Variants in NEBL observed in about 807,000 individuals in gnomAD.
NEBL encodes the protein LIM and SH3 protein 2.
Under a neutral mutation model 140.2 loss-of-function variants are expected in NEBL, and 122 were observed. The observed-to-expected ratio is 0.87, with a 90% CI of 0.75 to 1.01. The LOEUF is 1.01. NEBL is among the 50% of genes least tolerant of loss of function. The pLI, the probability that NEBL is intolerant of heterozygous loss-of-function variation, is 0.00. For synonymous variants in NEBL, 436 were observed against 398.9 expected, an observed-to-expected ratio of 1.09 and a Z score of -1.11; for missense variants, 1,365 against 1,231.3, an observed-to-expected ratio of 1.11 and a Z score of -1.62.
At chr10:21,013,640 G>A (rs1487922498) in intron 3 of NEBL, among the ~76,000 whole-genome samples, 1 of 152,208 alleles carries the variant, frequency 6.6e-6, no homozygotes, top group African/African-American at 2.4e-5. Context: ...CACTTTGGGA[G>A]GCCAAGGTGG....
intron 2 of NEBL, among the ~76,000 whole-genome samples, chr10:21,057,625 C>T (rs1480601489): frequency 6.9e-6 from 1 of 145,708 alleles, no homozygotes; most frequent in Non-Finnish European, 1.5e-5. Context: ...ACTTGGCTCA[C>T]GGCAACCTCT....
At chr10:21,052,377 A>G (rs1834815607) in intron 2 of NEBL, among the ~76,000 whole-genome samples, 1 of 152,176 alleles carries the variant, frequency 6.6e-6, no homozygotes, top group African/African-American at 2.4e-5. Context: ...CAATTCTCCA[A>G]CCACTTCCCA....
intron 3 of NEBL, among the ~76,000 whole-genome samples, chr10:21,180,992 T>C (rs184758820): frequency 3.6e-4 from 55 of 152,218 alleles, no homozygotes; most frequent in African/African-American, 1.3e-3. Flanking sequence ...CCAGGCACAG[T>C]GGCTCATATC....
chr10:21,033,132 C>T (rs143874524), intron 2 of NEBL, among the ~76,000 whole-genome samples: 6 of 152,280 alleles, frequency 3.9e-5, no homozygotes, highest in South Asian at 2.1e-4. Context: ...TGTGTGACAT[C>T]GAGCAGCCCT....
At chr10:21,284,743 T>C (rs909271112) in intron 1 of NEBL, among the ~76,000 whole-genome samples, 1 of 152,148 alleles carries the variant, frequency 6.6e-6, no homozygotes, top group Non-Finnish European at 1.5e-5. Flanking sequence ...TTCCTCACTC[T>C]CCCTTGCACA....
chr10:20,830,887 G>C (rs1452612924), intron 16 of NEBL, among the ~76,000 whole-genome samples: 1 of 125,890 alleles, frequency 7.9e-6, no homozygotes, highest in Admixed American at 9.1e-5. Flanking sequence ...CTGGGTGAAA[G>C]AGTGAGACCT....
At position 21,235,373 on chromosome 10, in the gene NEBL, C is replaced by G. The variant is rs531103518; in HGVS notation, n.348+12548G>C. Reference sequence around the variant, plus strand: ...ATTTATTTAAAGACAGAATCTTGCTCTGTCACCCAGGCTGGACTGCAGTGG... The same window carrying G: ...ATTTATTTAAAGACAGAATCTTGCTGTGTCACCCAGGCTGGACTGCAGTGG... On this transcript the variant is annotated intron_variant and non_coding_transcript_variant, in intron 3 of 8. Transcript: ENST00000675702. 2.6e-5 allele frequency among the ~76,000 whole-genome samples: 4 copies of G among 152,220 alleles called. No individual in the cohort carries two copies. The East Asian group carries it at 7.7e-4, about 29-fold the overall frequency.
intron 2 of NEBL, among the ~76,000 whole-genome samples, chr10:21,109,943 T>C (rs147228225): frequency 6.6e-6 from 1 of 152,164 alleles, no homozygotes; most frequent in Non-Finnish European, 1.5e-5. Flanking sequence ...GTTAGTCTTT[T>C]CAAAAAACCA....
rs528247270 is a variant in NEBL, at chr10:20,892,094, C to A, written c.154-2145G>T. 3.3e-5 allele frequency among the ~76,000 whole-genome samples: 5 copies of A among 152,272 alleles called. No individual in the cohort carries two copies. The East Asian group carries it at 9.7e-4, about 29-fold the overall frequency. ...GACACCATCTATTGGATAGACTGGC[C>A]ACTCCCATTATCTCCTATTAAAAGA... On this transcript the variant is annotated intron_variant, in intron 2 of 27. Transcript: ENST00000377122.
At chr10:21,134,798 A>C (rs1451768043) in intron 2 of NEBL, among the ~76,000 whole-genome samples, 3 of 152,220 alleles carry the variant, frequency 2.0e-5, no homozygotes, top group Admixed American at 2.0e-4. Flanking sequence ...TCTGACAAAC[A>C]TCAGTATTCA....
intron 2 of NEBL, among the ~76,000 whole-genome samples, chr10:20,894,387 C>G (rs1402864085): frequency 1.3e-5 from 2 of 151,896 alleles, no homozygotes; most frequent in African/African-American, 4.8e-5. Flanking sequence ...GCTGGAGAAT[C>G]ACTTGAGCCC....
chr10:21,013,672 G>A (rs1838440182), intron 3 of NEBL, among the ~76,000 whole-genome samples: 2 of 152,176 alleles, frequency 1.3e-5, no homozygotes, highest in Admixed American at 6.5e-5. Context: ...GAGGTCAGGA[G>A]TTCGAGACCA....
chr10:21,090,908 T>C (rs1337613355), intron 2 of NEBL, among the ~76,000 whole-genome samples: 1 of 152,170 alleles, frequency 6.6e-6, no homozygotes, highest in African/African-American at 2.4e-5. Context: ...CTGCAGACAC[T>C]TCCGGCTCAA....
At chr10:21,162,360 C>T (rs778405692) in intron 2 of NEBL, among the ~76,000 whole-genome samples, 13 of 150,364 alleles carry the variant, frequency 8.6e-5, no homozygotes, top group Non-Finnish European at 1.3e-4. Flanking sequence ...CTGAGGGGGT[C>T]GTGGGAACTC....
intron 1 of NEBL, among the ~76,000 whole-genome samples, chr10:21,271,526 C>CTTT (rs541717448): frequency 1.4e-5 from 2 of 141,044 alleles, no homozygotes; most frequent in Non-Finnish European, 1.6e-5. Context: ...GTAAACAGAT[C>CTTT]TTTTTTTTTT....
chr10:21,103,020 C>T (rs534102665), intron 2 of NEBL, among the ~76,000 whole-genome samples: 161 of 147,008 alleles, frequency 1.1e-3, no homozygotes, highest in Non-Finnish European at 2.1e-3. Context: ...TTGTTCCCCT[C>T]CTTGTGTCCA....
intron 2 of NEBL, among the ~76,000 whole-genome samples, chr10:21,062,464 C>G (rs889107605): frequency 6.6e-6 from 1 of 151,508 alleles, no homozygotes; most frequent in Non-Finnish European, 1.5e-5. Context: ...AGTTTGAGAT[C>G]AGCCTGGGCA....
chr10:21,256,473 G>C (rs1842661424), intron 1 of NEBL, among the ~76,000 whole-genome samples: 1 of 152,054 alleles, frequency 6.6e-6, no homozygotes, highest in Non-Finnish European at 1.5e-5. Flanking sequence ...CAAACCAGTT[G>C]CTAAACATAA....
chr10:20,923,049 G>A (rs1230489590), intron 4 of NEBL, among the ~76,000 whole-genome samples: 1 of 151,890 alleles, frequency 6.6e-6, no homozygotes, highest in Non-Finnish European at 1.5e-5. Context: ...TCTCTCTCTT[G>A]TTCTTCTTTT....
Sources: allele counts gnomAD v4.1 joint callset (sites outside exome capture counted in the v4.1 genomes callset), GRCh38; gene constraint gnomAD v4.1.1; transcripts MANE v1.5; gene names NCBI Gene and HGNC (gene_info 2026-07-23, HGNC 2026-07-21).